Variants in GRIN2B observed in about 807,000 individuals in gnomAD.
GRIN2B encodes glutamate ionotropic receptor NMDA type subunit 2B, also known as glutamate receptor ionotropic, NMDA 2B.
GRIN2B carries 5 observed loss-of-function variants against 114.5 expected under a neutral mutation model. The observed-to-expected ratio is 0.04, with a 90% CI of 0.02 to 0.09. The LOEUF (loss-of-function observed/expected upper bound fraction) is 0.09, where lower values mean the gene tolerates loss of function less well. Ranked by LOEUF, GRIN2B falls within the 10% of genes least tolerant of loss-of-function variation. The pLI is 1.00. For synonymous variants in GRIN2B, 787 were observed against 745.1 expected (o/e 1.06, Z -0.92); for missense variants, 1,108 against 1,943.5 (o/e 0.57, Z 8.08).
intron 3 of GRIN2B, among the ~76,000 whole-genome samples, chr12:13,784,222 TCAAAAAAAAAAAAAAAAA>T (rs1565535996): frequency 3.7e-5 from 1 of 26,760 alleles, no homozygotes; most frequent in African/African-American, 2.0e-4. Context: ...AGACTTCGCC[TCAAAAAAAAAAAAAAAAA>T]AAAAAAAAAA....
At chr12:13,808,770 T>TATATAC (rs1491493981) in intron 3 of GRIN2B, among the ~76,000 whole-genome samples, 3 of 141,398 alleles carry the variant, frequency 2.1e-5, no homozygotes, top group African/African-American at 5.1e-5. Flanking sequence ...TATATATATA[T>TATATAC]ACATATAAAA....
chr12:13,571,209 A>G (rs936337068), intron 11 of GRIN2B, among the ~76,000 whole-genome samples: 1 of 152,142 alleles, frequency 6.6e-6, no homozygotes, highest in Non-Finnish European at 1.5e-5. Flanking sequence ...TCTGTTATCC[A>G]TTATCTTCCA....
At chr12:13,860,177 G>A (rs1230702156) in intron 3 of GRIN2B, among the ~76,000 whole-genome samples, 1 of 152,118 alleles carries the variant, frequency 6.6e-6, no homozygotes, top group African/African-American at 2.4e-5. Context: ...AAGCAAGTGG[G>A]GGTAGAGGAT....
intron 3 of GRIN2B, among the ~76,000 whole-genome samples, chr12:13,849,051 A>C (rs1270350987): frequency 6.6e-6 from 1 of 152,148 alleles, no homozygotes; most frequent in Non-Finnish European, 1.5e-5. Context: ...TACTTTCCTC[A>C]ATAAAATTAG....
chr12:13,684,320 G>A (rs1950158228), intron 4 of GRIN2B, among the ~76,000 whole-genome samples: 1 of 152,136 alleles, frequency 6.6e-6, no homozygotes, highest in African/African-American at 2.4e-5. Flanking sequence ...AATCCCTTTG[G>A]AGAGAACACA....
rs189832842 is a variant in GRIN2B at position 13,766,759 on chromosome 12, C to T, written c.412-12844G>A. 5.8e-3 allele frequency among the ~76,000 whole-genome samples: 885 copies of T among 152,220 alleles called. 4 individuals are homozygous for T. Among genetic ancestry groups the T allele is most frequent in the Non-Finnish European group, 8.1e-3 (551 of 68,010 alleles). On this transcript the variant is annotated intron_variant, in intron 3 of 13. Coordinates refer to ENST00000609686, the MANE Select transcript of GRIN2B (RefSeq NM_000834.5). ...AATTGATTTTGTTAAGATTTTTATT[C>T]TTCAGAAAAGCTGGGGGAATGATAA...
chr12:13,730,625 C>T (rs187686133), intron 4 of GRIN2B, among the ~76,000 whole-genome samples: 1 of 152,154 alleles, frequency 6.6e-6, no homozygotes, highest in East Asian at 1.9e-4. Context: ...TCATTGTAGG[C>T]GATAGTGAGT....
At chr12:13,638,263 G>T (rs1949683364) in intron 5 of GRIN2B, among the ~76,000 whole-genome samples, 1 of 152,042 alleles carries the variant, frequency 6.6e-6, no homozygotes, top group South Asian at 2.1e-4. Flanking sequence ...TGTTCACAAG[G>T]TTACTGAAAG....
At position 13,563,450 on chromosome 12, in the gene GRIN2B, A is replaced by G; in HGVS notation, c.3788T>C (p.Leu1263Pro). The change falls in exon 14 of 14, where the codon CTG (leucine) becomes CCG (proline). Residue 1263 changes from leucine (L) to proline (P), a missense_variant. Leu to Pro is a moderately conservative substitution (Grantham distance 98). Coordinates refer to ENST00000609686, the MANE Select transcript of GRIN2B (RefSeq NM_000834.5). Reference sequence around the variant, plus strand: ...CGCCACTGGGGCAGCCGGCTGGTCCAGTTCCTGCAGGGAGTTGTCCTCACT... The same window carrying G: ...CGCCACTGGGGCAGCCGGCTGGTCCGGTTCCTGCAGGGAGTTGTCCTCACT... ...DISEDNSLQE[L>P]DQPAAPVAVT... 1 of 1,614,184 alleles carries G rather than the reference A, an allele frequency of 6.2e-7. No homozygotes were observed. The highest frequency in any genetic ancestry group is 1.1e-5 in the South Asian group (1 of 91,082).
At chr12:13,951,053 A>G (rs1002359539) in intron 2 of GRIN2B, among the ~76,000 whole-genome samples, 4 of 152,182 alleles carry the variant, frequency 2.6e-5, no homozygotes, top group African/African-American at 9.7e-5. Flanking sequence ...CAAGGCCAAG[A>G]GAGAGTAGTG....
At chr12:13,746,379 A>G (rs1863383602) in intron 4 of GRIN2B, among the ~76,000 whole-genome samples, 1 of 152,130 alleles carries the variant, frequency 6.6e-6, no homozygotes, top group South Asian at 2.1e-4. Context: ...CTGAGGCAGA[A>G]TCTGTTTTCA....
chr12:13,813,183 T>C (rs886208307), intron 3 of GRIN2B, among the ~76,000 whole-genome samples: 1 of 151,892 alleles, frequency 6.6e-6, no homozygotes, highest in Admixed American at 6.6e-5. Flanking sequence ...GATCCACCCA[T>C]CTCGGCCTCC....
intron 4 of GRIN2B, among the ~76,000 whole-genome samples, chr12:13,715,226 T>C (rs911270511): frequency 2.6e-5 from 4 of 151,894 alleles, no homozygotes; most frequent in African/African-American, 7.2e-5. Flanking sequence ...TATTCCTTCA[T>C]TCACTTTTCT....
At chr12:13,599,994 A>G (rs1372070646) in intron 10 of GRIN2B, among the ~76,000 whole-genome samples, 3 of 152,192 alleles carry the variant, frequency 2.0e-5, no homozygotes, top group African/African-American at 7.2e-5. Flanking sequence ...TTTGTTGCCT[A>G]TTTTTGGCTT....
intron 2 of GRIN2B, among the ~76,000 whole-genome samples, chr12:13,954,825 A>AAAAAAAAAAAAAAAAAAAAAAAAAG (rs1555161322): frequency 6.8e-6 from 1 of 148,066 alleles, no homozygotes; most frequent in Non-Finnish European, 1.5e-5. Flanking sequence ...AAAAAAAAAA[A>AAAAAAAAAAAAAAAAAAAAAAAAAG]AAAACTTTTT....
At chr12:13,876,471 C>G (rs1166780525) in intron 2 of GRIN2B, among the ~76,000 whole-genome samples, 1 of 152,136 alleles carries the variant, frequency 6.6e-6, no homozygotes, top group African/African-American at 2.4e-5. Flanking sequence ...CTGGCTTTAG[C>G]ACAATTTCTA....
intron 4 of GRIN2B, among the ~76,000 whole-genome samples, chr12:13,691,892 A>G (rs1950217604): frequency 6.6e-6 from 1 of 152,136 alleles, no homozygotes; most frequent in Admixed American, 6.5e-5. Context: ...ATGGGCAAAA[A>G]CCACCTAGAG....
chr12:13,873,066 T>C (rs1467435611), intron 2 of GRIN2B, among the ~76,000 whole-genome samples: 1 of 152,208 alleles, frequency 6.6e-6, no homozygotes, highest in Non-Finnish European at 1.5e-5. Flanking sequence ...TCTGAACCTA[T>C]AATGAAACTG....
rs545667542 is a variant in GRIN2B, at chr12:13,667,968, C to T, written c.1125+7777G>A. 2.6e-5 allele frequency among the ~76,000 whole-genome samples: 4 copies of T among 152,290 alleles called. No individual in the cohort carries two copies. The East Asian group carries it at 7.7e-4, about 29-fold the overall frequency. On this transcript the variant is annotated intron_variant, in intron 5 of 13. Transcript: ENST00000609686. ...ATAGAATTTTCTCATCTCTCTACCACTCTTTCTTCTTCAACACCAGTACTG... is the reference window on the plus strand; with the variant it reads ...ATAGAATTTTCTCATCTCTCTACCATTCTTTCTTCTTCAACACCAGTACTG...
Sources: gnomAD v4.1 joint callset for allele counts (sites outside exome capture counted in the v4.1 genomes callset) on GRCh38, gnomAD v4.1.1 for gene constraint, MANE v1.5 for transcripts, NCBI Gene and HGNC (gene_info 2026-07-23, HGNC 2026-07-21) for gene names.